PPP1R12A: variants seen among roughly 807,000 people sequenced by gnomAD.
PPP1R12A encodes the protein myosin binding subunit.
Under a neutral mutation model 139.6 loss-of-function variants are expected in PPP1R12A, and 19 were observed. The ratio of observed to expected loss-of-function variants is 0.14; its 90% CI spans 0.09 to 0.20. The LOEUF (loss-of-function observed/expected upper bound fraction) is 0.20. Ranked by LOEUF, PPP1R12A falls within the 10% of genes least tolerant of loss-of-function variation. The pLI, the probability that PPP1R12A is intolerant of heterozygous loss-of-function variation, is 1.00. For synonymous variants in PPP1R12A, 427 were observed against 420.6 expected (o/e 1.02, Z -0.19); for missense variants, 925 against 1,211.5 (o/e 0.76, Z 3.51).
chr12:79,892,579 C>A (rs921520693), intron 1 of PPP1R12A, among the ~76,000 whole-genome samples: 1 of 152,048 alleles, frequency 6.6e-6, no homozygotes, highest in Non-Finnish European at 1.5e-5. Context: ...CAATCATTTT[C>A]TTCGATGCTA....
intron 1 of PPP1R12A, among the ~76,000 whole-genome samples, chr12:79,876,636 T>C (rs117948043): frequency 5.3e-4 from 80 of 152,322 alleles, no homozygotes; most frequent in Non-Finnish European, 9.8e-4. Flanking sequence ...GTATTACTTG[T>C]ATACATGAAA....
chr12:79,895,048 C>G (rs1052441402), intron 1 of PPP1R12A, among the ~76,000 whole-genome samples: 1 of 152,216 alleles, frequency 6.6e-6, no homozygotes, highest in East Asian at 1.9e-4. Context: ...TTTATGCTTA[C>G]GTGTGTGGAT....
Position 79,926,792 on chromosome 12 carries a change from TC to T in PPP1R12A, c.237+7902del, listed in dbSNP as rs1171216194. 4.6e-5 allele frequency among the ~76,000 whole-genome samples: 7 copies of T among 151,930 alleles called. No individual in the cohort carries two copies. In the East Asian group the frequency reaches 1.2e-3, roughly 25 times the overall value. On this transcript the variant is annotated intron_variant, in intron 1 of 24. Transcript: ENST00000450142. ...CCTTAAGGGTATATAAGGGACTTCT[TC>T]CCCCCCACCCCCAGTATCCATGGTA...
chr12:79,814,815 C>CAAAA lies in PPP1R12A; in HGVS notation c.1239+2575_1239+2578dup, dbSNP rs149384466. 6.0e-4 allele frequency among the ~76,000 whole-genome samples: 42 copies of CAAAA among 69,722 alleles called. 3 individuals carry two copies. Among genetic ancestry groups the CAAAA allele is most frequent in the African/African-American group, 2.6e-3 (39 of 14,856 alleles). The allele number at this position is 69,722 out of a possible 152,430, so 45.7% of individuals were successfully genotyped here. Reference sequence around the variant, plus strand: ...GGGTGACAAGAGTGAAACTCTGTCTCAAAAAAAAAAAAAAAAAAAAAAAAA... The same window carrying CAAAA: ...GGGTGACAAGAGTGAAACTCTGTCTCAAAAAAAAAAAAAAAAAAAAAAAAAAAAA... On this transcript the variant is annotated intron_variant, in intron 9 of 24. Coordinates refer to ENST00000450142, the MANE Select transcript of PPP1R12A (RefSeq NM_002480.3).
chr12:79,836,859 G>A (rs996814105), intron 3 of PPP1R12A, among the ~76,000 whole-genome samples: 4 of 152,190 alleles, frequency 2.6e-5, no homozygotes, highest in Admixed American at 6.5e-5. Context: ...GAGACTGGCT[G>A]GATTTGAATC....
chr12:79,935,256 C>G (rs1226630400), upstream of PPP1R12A: 4 of 1,128,898 alleles, frequency 3.5e-6, no homozygotes, highest in Non-Finnish European at 4.3e-6. Flanking sequence ...TGGGCCTGTG[C>G]CCGCCCCAGG....
chr12:79,873,168 T>C (rs1471241613), intron 1 of PPP1R12A, among the ~76,000 whole-genome samples: 5 of 152,170 alleles, frequency 3.3e-5, no homozygotes, highest in Non-Finnish European at 5.9e-5. Context: ...AGACTCTTTA[T>C]GGCAACCCAA....
At chr12:79,910,200 C>G (rs1226714542) in intron 1 of PPP1R12A, among the ~76,000 whole-genome samples, 1 of 152,028 alleles carries the variant, frequency 6.6e-6, no homozygotes, top group Non-Finnish European at 1.5e-5. Context: ...AACCTTAAAA[C>G]CAGGCACAGT....
At chr12:79,883,482 G>C (rs998081314) in intron 1 of PPP1R12A, among the ~76,000 whole-genome samples, 1 of 152,012 alleles carries the variant, frequency 6.6e-6, no homozygotes, top group African/African-American at 2.4e-5. Context: ...AAGGTTTAAT[G>C]AAAGATATGA....
intron 2 of PPP1R12A, among the ~76,000 whole-genome samples, chr12:79,851,044 A>T (rs1225215038): frequency 1.3e-5 from 2 of 152,216 alleles, no homozygotes; most frequent in Non-Finnish European, 2.9e-5. Context: ...TATTGTAGAA[A>T]AAGTAGTATT....
At chr12:79,898,654 T>C (rs759318456) in intron 1 of PPP1R12A, among the ~76,000 whole-genome samples, 5 of 152,168 alleles carry the variant, frequency 3.3e-5, no homozygotes, top group African/African-American at 4.8e-5. Context: ...CTTACACAAA[T>C]GCCTTCTACT....
intron 1 of PPP1R12A, among the ~76,000 whole-genome samples, chr12:79,924,288 T>C (rs972355883): frequency 1.3e-5 from 2 of 152,170 alleles, no homozygotes; most frequent in African/African-American, 4.8e-5. Flanking sequence ...GTAGATTCCA[T>C]GTACTTGGAA....
intron 1 of PPP1R12A, among the ~76,000 whole-genome samples, chr12:79,892,272 A>G (rs1359092476): frequency 6.6e-6 from 1 of 152,170 alleles, no homozygotes; most frequent in Non-Finnish European, 1.5e-5. Context: ...TCAAAGCTCT[A>G]ATAACACTAG....
chr12:79,828,813 G>A (rs1003120025), intron 4 of PPP1R12A, among the ~76,000 whole-genome samples: 6 of 152,034 alleles, frequency 3.9e-5, no homozygotes, highest in African/African-American at 7.2e-5. Context: ...GAAAACTGAT[G>A]AATCACTTTG....
chr12:79,882,294 T>C (rs746601467), intron 1 of PPP1R12A, among the ~76,000 whole-genome samples: 13 of 152,184 alleles, frequency 8.5e-5, no homozygotes, highest in Non-Finnish European at 1.3e-4. Flanking sequence ...ATTAAGAACA[T>C]TGGTGATTCA....
intron 18 of PPP1R12A, among the ~76,000 whole-genome samples, chr12:79,795,117 GTTTA>G (rs1872365435): frequency 6.6e-6 from 1 of 152,034 alleles, no homozygotes; most frequent in African/African-American, 2.4e-5. Context: ...TCAATAAAAG[GTTTA>G]TTTTTTAGAA....
chr12:79,842,575 T>TTGTGTGTG (rs148792533), intron 3 of PPP1R12A, among the ~76,000 whole-genome samples: 1,910 of 143,904 alleles, frequency 0.013, 19 homozygotes, highest in African/African-American at 0.031. Context: ...ATGTGGCACT[T>TTGTGTGTG]TGTGTGTGTG....
chr12:79,910,266 G>A (rs530397663), intron 1 of PPP1R12A, among the ~76,000 whole-genome samples: 2 of 151,970 alleles, frequency 1.3e-5, no homozygotes, highest in Non-Finnish European at 2.9e-5. Flanking sequence ...GATCACCTGA[G>A]GTCAGGACTT....
At chr12:79,873,439 C>CA (rs966977474) in intron 1 of PPP1R12A, among the ~76,000 whole-genome samples, 4 of 145,608 alleles carry the variant, frequency 2.7e-5, no homozygotes, top group African/African-American at 1.0e-4. Flanking sequence ...TGGCAGTGGC[C>CA]AAAAAAACCC....
Sources: allele counts gnomAD v4.1 joint callset (sites outside exome capture counted in the v4.1 genomes callset), GRCh38; gene constraint gnomAD v4.1.1; transcripts MANE v1.5; gene names NCBI Gene and HGNC (gene_info 2026-07-23, HGNC 2026-07-21).